MLLT3: variants seen among roughly 807,000 people sequenced by gnomAD.
The protein encoded by MLLT3 is protein AF-9.
MLLT3 carries 4 observed loss-of-function variants against 53.2 expected under a neutral mutation model. The ratio of observed to expected loss-of-function variants is 0.08; its 90% CI spans 0.04 to 0.17. The LOEUF is 0.17. Ranked by LOEUF, MLLT3 falls within the 10% of genes least tolerant of loss-of-function variation. The pLI, the probability that MLLT3 is intolerant of heterozygous loss-of-function variation, is 1.00. For missense variants in MLLT3, 569 were observed against 684.0 expected (o/e 0.83, Z 1.87); for synonymous variants, 283 against 230.6 (o/e 1.23, Z -2.06).
At chr9:20,466,956 A>C (rs571438848) in intron 2 of MLLT3, among the ~76,000 whole-genome samples, 42 of 152,322 alleles carry the variant, frequency 2.8e-4, no homozygotes, top group African/African-American at 1.0e-3. Context: ...TAAAATTCTA[A>C]TGAGCAGTAA....
rs1474064793 is a variant in MLLT3, at chr9:20,620,466, G to C, written c.193+188C>G. Among the ~76,000 whole-genome samples, 1 of 151,030 alleles carries C rather than the reference G, an allele frequency of 6.6e-6. No homozygotes were observed. The highest frequency in any genetic ancestry group is 1.5e-5 in the Non-Finnish European group (1 of 67,680). ...CTTTCTCTGCGGTGACTTTCACCAA[G>C]CCGAAGTGGCGCGCGCGCGGGCAGG... On this transcript the variant is annotated intron_variant, in intron 2 of 10. Coordinates refer to ENST00000380338, the MANE Select transcript of MLLT3 (RefSeq NM_004529.4). This position sits in a 1 kb window ranked among gnomAD's most constrained non-coding sequence, Gnocchi z 6.1.
intron 2 of MLLT3, among the ~76,000 whole-genome samples, chr9:20,466,228 C>T (rs56378603): frequency 0.085 from 12,933 of 152,096 alleles, 767 homozygotes; most frequent in East Asian, 0.21. Context: ...ATCCAAAAAT[C>T]CCAATCCAAA....
At chr9:20,602,631 T>C (rs544242377) in intron 2 of MLLT3, among the ~76,000 whole-genome samples, 3 of 152,208 alleles carry the variant, frequency 2.0e-5, no homozygotes, top group African/African-American at 7.2e-5. Flanking sequence ...AATACATTTA[T>C]TACAAGGAAG....
chr9:20,523,662 T>C (rs923722714), intron 2 of MLLT3, among the ~76,000 whole-genome samples: 4 of 152,134 alleles, frequency 2.6e-5, no homozygotes, highest in Non-Finnish European at 5.9e-5. Context: ...TAGGGCAAAA[T>C]TATAGAGACA....
intron 4 of MLLT3, among the ~76,000 whole-genome samples, chr9:20,430,909 A>C (rs535094094): frequency 6.6e-6 from 1 of 152,282 alleles, no homozygotes; most frequent in East Asian, 1.9e-4. Flanking sequence ...AATAAGTGGA[A>C]GACATGAACA....
Position 20,345,847 on chromosome 9 carries a change from G to A in MLLT3, c.*596C>T, listed in dbSNP as rs1385517091. On this transcript the variant is annotated 3_prime_UTR_variant, in exon 11 of 11. Transcript: ENST00000380338. ...CCTGGAACTGGAAAAACAAAAGGTG[G>A]AAAATACAGACTGCAACGAGTTAAA... 1 of 226,242 alleles carries A rather than the reference G, an allele frequency of 4.4e-6. No homozygotes were observed. Among genetic ancestry groups the A allele is most frequent in the African/African-American group, 2.2e-5 (1 of 44,884 alleles). The allele number at this position is 226,242 out of a possible 1,614,324, so 14.0% of individuals were successfully genotyped here. A position where few individuals can be genotyped will look rare whatever the true frequency, so the allele number is the denominator to read the frequency against.
chr9:20,478,908 G>T (rs187960828), intron 2 of MLLT3, among the ~76,000 whole-genome samples: 1 of 152,238 alleles, frequency 6.6e-6, no homozygotes, highest in Non-Finnish European at 1.5e-5. Context: ...CTTCAACACG[G>T]AATTTTCCAT....
intron 2 of MLLT3, among the ~76,000 whole-genome samples, chr9:20,583,277 C>G (rs776312493): frequency 6.6e-6 from 1 of 152,150 alleles, no homozygotes; most frequent in Non-Finnish European, 1.5e-5. Context: ...CAACTCTGCC[C>G]CTGTGGCTTT....
chr9:20,365,876 C>T, intron 5 of MLLT3, 132 bp from the exon 6 acceptor site: 1 of 807,460 alleles, frequency 1.2e-6, no homozygotes, highest in Non-Finnish European at 2.0e-6. Flanking sequence ...AAATTACTAA[C>T]ACAGGAGAGT....
At chr9:20,405,001 C>G (rs1010801768) in intron 5 of MLLT3, among the ~76,000 whole-genome samples, 5 of 152,024 alleles carry the variant, frequency 3.3e-5, no homozygotes, top group Admixed American at 6.6e-5. Flanking sequence ...TGACATAATC[C>G]ACCCGGAGAT....
rs542059059 is a variant in MLLT3, at chr9:20,437,351, GCTTT to G, written c.420+10768_420+10771del. ...AAATCAGAATAAAGGTTTAATTACA[GCTTT>G]TTTTAATTAAAAAAGAAAAATAAAC... On this transcript the variant is annotated intron_variant, in intron 4 of 10. Coordinates refer to ENST00000380338, the MANE Select transcript of MLLT3 (RefSeq NM_004529.4). Among the ~76,000 whole-genome samples the G allele has an allele frequency of 2.1e-3, 315 of 152,178 alleles. 2 individuals are homozygous for G. Among genetic ancestry groups the G allele is most frequent in the African/African-American group, 7.4e-3 (308 of 41,530 alleles).
At chr9:20,543,628 T>C (rs1238196612) in intron 2 of MLLT3, among the ~76,000 whole-genome samples, 1 of 148,182 alleles carries the variant, frequency 6.7e-6, no homozygotes, top group African/African-American at 2.5e-5. Context: ...GGCAGAAGAA[T>C]GAGACCCTGT....
At chr9:20,504,880 T>C (rs577319774) in intron 2 of MLLT3, among the ~76,000 whole-genome samples, 2 of 152,240 alleles carry the variant, frequency 1.3e-5, no homozygotes, top group South Asian at 4.1e-4. Flanking sequence ...TAAAAAATTA[T>C]TTTTTTAAGT....
At chr9:20,399,493 T>G in intron 5 of MLLT3, among the ~76,000 whole-genome samples, 1 of 152,002 alleles carries the variant, frequency 6.6e-6, no homozygotes, top group Non-Finnish European at 1.5e-5. Context: ...ACAATCATCA[T>G]CCAAGTATAC....
At chr9:20,467,918 CT>C (rs1383237754) in intron 2 of MLLT3, among the ~76,000 whole-genome samples, 1 of 152,150 alleles carries the variant, frequency 6.6e-6, no homozygotes, top group Non-Finnish European at 1.5e-5. Context: ...TCATTGAAAA[CT>C]TTAATTTAGC....
At chr9:20,457,113 C>T (rs1222884639) in intron 2 of MLLT3, among the ~76,000 whole-genome samples, 1 of 152,082 alleles carries the variant, frequency 6.6e-6, no homozygotes, top group Non-Finnish European at 1.5e-5. Flanking sequence ...TGATTGCTCC[C>T]TATGACCCAA....
intron 5 of MLLT3, among the ~76,000 whole-genome samples, chr9:20,378,337 A>G (rs975816197): frequency 3.3e-5 from 5 of 152,068 alleles, no homozygotes; most frequent in Non-Finnish European, 7.4e-5. Flanking sequence ...ACATGATTTC[A>G]AGCTCTGGAG....
At chr9:20,454,795 C>T (rs1823919853) in intron 3 of MLLT3, among the ~76,000 whole-genome samples, 1 of 152,088 alleles carries the variant, frequency 6.6e-6, no homozygotes, top group African/African-American at 2.4e-5. Flanking sequence ...GAGACAGGCT[C>T]TAAATTCCTT....
intron 5 of MLLT3, among the ~76,000 whole-genome samples, chr9:20,384,087 AAAT>A (rs1420909490): frequency 2.0e-5 from 3 of 152,070 alleles, no homozygotes; most frequent in East Asian, 1.9e-4. Context: ...CACTTAAAGA[AAAT>A]AATAATATCA....
Sources: allele counts gnomAD v4.1 joint callset (sites outside exome capture counted in the v4.1 genomes callset), GRCh38; gene constraint gnomAD v4.1.1; non-coding constraint Gnocchi (gnomAD v3.1); transcripts MANE v1.5; gene names NCBI Gene and HGNC (gene_info 2026-07-23, HGNC 2026-07-21).